Variants in CADM2 observed in about 807,000 individuals in gnomAD.
CADM2 encodes the protein cell adhesion molecule 2, also known as immunoglobulin superfamily member 4D.
A neutral mutation model predicts 49.8 loss-of-function variants in CADM2; 12 were observed. The observed-to-expected ratio is 0.24, with a 90% CI of 0.15 to 0.39. The LOEUF is 0.39. CADM2 is among the 10% of genes least tolerant of loss of function. CADM2 has a pLI of 1.00. For missense variants in CADM2, 378 were observed against 492.3 expected (o/e 0.77, Z 2.20); for synonymous variants, 214 against 175.4 (o/e 1.22, Z -1.74).
intron 8 of CADM2, among the ~76,000 whole-genome samples, chr3:86,053,916 T>C (rs1406574175): frequency 1.3e-5 from 2 of 152,092 alleles, no homozygotes; most frequent in Non-Finnish European, 2.9e-5. Context: ...CTTTTGTATA[T>C]ATTATCTGAT....
chr3:85,706,762 AT>A (rs2066963845), intron 1 of CADM2, among the ~76,000 whole-genome samples: 1 of 152,096 alleles, frequency 6.6e-6, no homozygotes, highest in African/African-American at 2.4e-5. Context: ...GCAAAAAGTC[AT>A]TGCTTATTTC....
chr3:85,484,425 A>C (rs1393053216), intron 1 of CADM2, among the ~76,000 whole-genome samples: 1 of 151,922 alleles, frequency 6.6e-6, no homozygotes, highest in Non-Finnish European at 1.5e-5. Flanking sequence ...AAATGTGGCA[A>C]CACCTCATGT....
chr3:86,025,551 C>G (rs181864052), intron 8 of CADM2, among the ~76,000 whole-genome samples: 4 of 152,066 alleles, frequency 2.6e-5, no homozygotes, highest in Non-Finnish European at 4.4e-5. Context: ...ATCTGGCAGA[C>G]ACTTCCTTCG....
intron 1 of CADM2, among the ~76,000 whole-genome samples, chr3:85,691,876 C>CA (rs1345926262): frequency 6.6e-6 from 1 of 151,570 alleles, no homozygotes; most frequent in East Asian, 2.0e-4. Context: ...ATTGCAAGGA[C>CA]AAAAAACCAA....
At chr3:84,983,204 A>G (rs548134698) in intron 1 of CADM2, among the ~76,000 whole-genome samples, 1 of 152,232 alleles carries the variant, frequency 6.6e-6, no homozygotes, top group Admixed American at 6.5e-5. Context: ...TCACTAAAAG[A>G]CCATTTAAAA....
intron 1 of CADM2, among the ~76,000 whole-genome samples, chr3:85,198,423 A>AT (rs770152477): frequency 2.0e-4 from 30 of 148,724 alleles, no homozygotes; most frequent in Non-Finnish European, 3.9e-4. Context: ...TTTACAACCC[A>AT]TTTTACCTTT....
intron 1 of CADM2, among the ~76,000 whole-genome samples, chr3:85,403,928 A>G (rs1240303934): frequency 3.3e-5 from 5 of 152,098 alleles, no homozygotes; most frequent in Non-Finnish European, 7.4e-5. Flanking sequence ...TAACTGAATC[A>G]TATATTGTGA....
intron 1 of CADM2, among the ~76,000 whole-genome samples, chr3:85,138,157 C>T (rs2039472472): frequency 6.8e-6 from 1 of 147,304 alleles, no homozygotes; most frequent in African/African-American, 2.5e-5. Context: ...CCATTATTTT[C>T]AGCTGTTCTT....
chr3:84,961,495 A>T (rs966528839), intron 1 of CADM2, among the ~76,000 whole-genome samples: 4 of 152,052 alleles, frequency 2.6e-5, no homozygotes, highest in African/African-American at 7.2e-5. Context: ...TCACACCCCC[A>T]TCCTCACACA....
intron 1 of CADM2, among the ~76,000 whole-genome samples, chr3:85,337,469 G>A (rs1559786902): frequency 6.6e-6 from 1 of 151,254 alleles, no homozygotes; most frequent in Non-Finnish European, 1.5e-5. Context: ...GTGTAATTGG[G>A]ACAAAAATAA....
intron 5 of CADM2, among the ~76,000 whole-genome samples, chr3:85,909,420 A>ATATATG: frequency 6.6e-6 from 1 of 150,620 alleles, no homozygotes; most frequent in Non-Finnish European, 1.5e-5. Context: ...ATATATATAT[A>ATATATG]ATGTCCAATG....
intron 1 of CADM2, among the ~76,000 whole-genome samples, chr3:85,158,539 A>C (rs892746202): frequency 5.9e-5 from 9 of 152,228 alleles, no homozygotes; most frequent in African/African-American, 7.2e-5. Context: ...TGTCCTTTGT[A>C]GGGACATGGA....
At chr3:85,601,981 A>T (rs930085358) in intron 1 of CADM2, among the ~76,000 whole-genome samples, 33 of 151,938 alleles carry the variant, frequency 2.2e-4, no homozygotes, top group African/African-American at 7.9e-4. Flanking sequence ...AAGCAAATCA[A>T]ATTAAAACTG....
intron 1 of CADM2, among the ~76,000 whole-genome samples, chr3:85,173,557 T>G (rs1240454003): frequency 6.6e-6 from 1 of 152,204 alleles, no homozygotes; most frequent in Non-Finnish European, 1.5e-5. Flanking sequence ...AGTGACAATT[T>G]GATAAATTTC....
chr3:85,313,133 T>G (rs1437009493), intron 1 of CADM2, among the ~76,000 whole-genome samples: 1 of 152,188 alleles, frequency 6.6e-6, no homozygotes, highest in African/African-American at 2.4e-5. Context: ...ATTGCTACTG[T>G]GTGCTAATGA....
intron 1 of CADM2, among the ~76,000 whole-genome samples, chr3:85,288,794 C>A (rs756108081): frequency 2.3e-5 from 3 of 132,824 alleles, no homozygotes; most frequent in East Asian, 5.1e-4. Context: ...GCCCCCCCCC[C>A]CTCTTTTTTT....
chr3:85,827,815 G>A (rs561119304), intron 3 of CADM2, among the ~76,000 whole-genome samples: 4 of 152,058 alleles, frequency 2.6e-5, no homozygotes, highest in Admixed American at 2.0e-4. Context: ...CAAAGTGAAT[G>A]ATTCAGGTCA....
intron 1 of CADM2, among the ~76,000 whole-genome samples, chr3:85,642,284 A>G (rs13097865): frequency 0.18 from 26,706 of 152,110 alleles, 2,932 homozygotes; most frequent in Non-Finnish European, 0.24. Flanking sequence ...CACGATGAAT[A>G]TATTATTTAA....
chr3:85,102,090 A>C (rs997887678), intron 1 of CADM2, among the ~76,000 whole-genome samples: 5 of 152,200 alleles, frequency 3.3e-5, no homozygotes, highest in Admixed American at 3.3e-4. Flanking sequence ...AAATAAAAAA[A>C]GTCTTATGTA....
Sources: gnomAD v4.1 joint callset for allele counts (sites outside exome capture counted in the v4.1 genomes callset) on GRCh38, gnomAD v4.1.1 for gene constraint, MANE v1.5 for transcripts, NCBI Gene and HGNC (gene_info 2026-07-23, HGNC 2026-07-21) for gene names.